The following SLC9A2 variants were observed in gnomAD, a reference collection of about 807,000 sequenced individuals.
SLC9A2 encodes the protein sodium/hydrogen exchanger 2.
A neutral mutation model predicts 71.7 loss-of-function variants in SLC9A2; 42 were observed. The ratio of observed to expected loss-of-function variants is 0.59; its 90% CI spans 0.46 to 0.76. The LOEUF (loss-of-function observed/expected upper bound fraction) is 0.76, where lower values mean the gene tolerates loss of function less well. Ranked by LOEUF, SLC9A2 falls within the 30% of genes least tolerant of loss-of-function variation. The pLI, the probability that SLC9A2 is intolerant of heterozygous loss-of-function variation, is 0.00. For synonymous variants in SLC9A2, 396 were observed against 392.5 expected, an observed-to-expected ratio of 1.01 and a Z score of -0.10; for missense variants, 829 against 1,017.4, an observed-to-expected ratio of 0.81 and a Z score of 2.52.
At chr2:102,629,915 T>A (rs1384721293) in intron 1 of SLC9A2, among the ~76,000 whole-genome samples, 1 of 152,052 alleles carries the variant, frequency 6.6e-6, no homozygotes, top group Non-Finnish European at 1.5e-5. Flanking sequence ...CATAGGCTGT[T>A]GTGTAAAGTA....
At chr2:102,632,166 A>G (rs1272709313) in intron 1 of SLC9A2, among the ~76,000 whole-genome samples, 1 of 104,574 alleles carries the variant, frequency 9.6e-6, no homozygotes, top group African/African-American at 3.4e-5. Flanking sequence ...ACATATATAC[A>G]CATATATATA....
intron 1 of SLC9A2, among the ~76,000 whole-genome samples, chr2:102,636,922 T>C (rs1676478354): frequency 6.6e-6 from 1 of 152,178 alleles, no homozygotes; most frequent in Admixed American, 6.5e-5. Context: ...CTGGCAAGTT[T>C]TACCTTCAGA....
chr2:102,638,317 A>G (rs1198613685), intron 1 of SLC9A2, among the ~76,000 whole-genome samples: 1 of 152,254 alleles, frequency 6.6e-6, no homozygotes, highest in East Asian at 1.9e-4. Flanking sequence ...AGTCAAGTTA[A>G]CACTGATCAA....
intron 1 of SLC9A2, among the ~76,000 whole-genome samples, chr2:102,627,166 A>AACAAC (rs1676266927): frequency 6.7e-6 from 1 of 149,338 alleles, no homozygotes; most frequent in African/African-American, 2.6e-5. Context: ...ACAACAACAA[A>AACAAC]AAGCCAGGTT....
chr2:102,624,329 C>T (rs886212890), intron 1 of SLC9A2, among the ~76,000 whole-genome samples: 2 of 152,062 alleles, frequency 1.3e-5, no homozygotes, highest in African/African-American at 4.8e-5. Context: ...TTTGAGCAAC[C>T]GTTGATTATT....
At chr2:102,631,938 T>A (rs1313584051) in intron 1 of SLC9A2, among the ~76,000 whole-genome samples, 1 of 147,298 alleles carries the variant, frequency 6.8e-6, no homozygotes, top group Non-Finnish European at 1.5e-5. Context: ...AACTTGGTCT[T>A]ATGACCATAA....
chr2:102,710,817 G>T lies in SLC9A2; in HGVS notation c.*2328G>T, dbSNP rs1296660135. ...TAGCCCTTTGTAAAGGCTTTCGTTC[G>T]TCCAAACAACACTTGATCCAACCAA... On this transcript the variant is annotated 3_prime_UTR_variant, in exon 12 of 12. Coordinates refer to ENST00000233969, the MANE Select transcript of SLC9A2 (RefSeq NM_003048.6). 3.3e-5 allele frequency: 5 copies of T among 152,248 alleles called. No individual in the cohort carries two copies. Among genetic ancestry groups the T allele is most frequent in the African/African-American group, 1.2e-4 (5 of 41,428 alleles). The allele number at this position is 152,248 out of a possible 1,614,324, so 9.4% of individuals were successfully genotyped here. A position where few individuals can be genotyped will look rare whatever the true frequency, so the allele number is the denominator to read the frequency against.
At position 102,702,394 on chromosome 2, in the gene SLC9A2, AAACTTTCAC is replaced by A; in HGVS notation, c.1749-10_1749-2del. 1.4e-6 allele frequency: 2 copies of A among 1,463,244 alleles called. No homozygotes were observed. Among genetic ancestry groups the A allele is most frequent in the Non-Finnish European group, 1.9e-6 (2 of 1,059,842 alleles). The allele number at this position is 1,463,244 out of a possible 1,614,324, so 90.6% of individuals were successfully genotyped here. ...TTGAAAGGTAAAATATTCTTTTTCT[AAACTTTCAC>A]AGTGATTGTCGTGAAGAAAAAATAA... is the stretch of plus-strand genomic sequence containing the variant. On this transcript the variant is annotated splice_region_variant and splice_polypyrimidine_tract_variant and intron_variant, in intron 8 of 11. Coordinates refer to ENST00000233969, the MANE Select transcript of SLC9A2 (RefSeq NM_003048.6).
At chr2:102,696,862 C>T (rs1320381442) in intron 7 of SLC9A2, among the ~76,000 whole-genome samples, 1 of 152,038 alleles carries the variant, frequency 6.6e-6, no homozygotes, top group East Asian at 1.9e-4. Context: ...TTTAAATGGC[C>T]ATTTCTCAGG....
intron 1 of SLC9A2, among the ~76,000 whole-genome samples, chr2:102,643,861 A>G (rs1020801419): frequency 3.3e-5 from 5 of 151,738 alleles, no homozygotes; most frequent in Non-Finnish European, 7.4e-5. Flanking sequence ...ACTAATGATC[A>G]GCATGGGAGT....
At chr2:102,695,456 T>A (rs1034938555) in intron 7 of SLC9A2, among the ~76,000 whole-genome samples, 1 of 152,050 alleles carries the variant, frequency 6.6e-6, no homozygotes, top group Non-Finnish European at 1.5e-5. Context: ...AATGGCTGCA[T>A]CAATATTAGC....
At chr2:102,662,827 G>A (rs940688165) in intron 2 of SLC9A2, among the ~76,000 whole-genome samples, 20 of 152,210 alleles carry the variant, frequency 1.3e-4, no homozygotes, top group African/African-American at 3.6e-4. Flanking sequence ...AAAATGGAGT[G>A]GCAGCCTTTG....
chr2:102,699,017 T>G (rs1162928370), intron 7 of SLC9A2, among the ~76,000 whole-genome samples: 1 of 152,170 alleles, frequency 6.6e-6, no homozygotes, highest in Non-Finnish European at 1.5e-5. Flanking sequence ...AGACCTTACA[T>G]TCTGTGCTAG....
chr2:102,671,130 A>C (rs1387421213), intron 3 of SLC9A2, among the ~76,000 whole-genome samples: 1 of 152,182 alleles, frequency 6.6e-6, no homozygotes, highest in Non-Finnish European at 1.5e-5. Context: ...CTGAAGTGTA[A>C]AGAAGAGCAG....
intron 1 of SLC9A2, among the ~76,000 whole-genome samples, chr2:102,655,121 G>A (rs914582150): frequency 6.6e-6 from 1 of 151,782 alleles, no homozygotes; most frequent in African/African-American, 2.4e-5. Context: ...ATTTAAAAAT[G>A]GTTTTTTTGT....
intron 1 of SLC9A2, among the ~76,000 whole-genome samples, chr2:102,644,616 G>A (rs559756912): frequency 2.0e-5 from 3 of 152,258 alleles, no homozygotes; most frequent in African/African-American, 4.8e-5. Context: ...TGGGATACTC[G>A]AGCTTGGTGC....
rs189614912 is a variant in SLC9A2 at position 102,630,591 on chromosome 2, T to C, written c.289+10454T>C. ...ATACTTCCATGCTTCTTAACAGCTCTTTCACGTTTTTCGTCTCTTCATTGC... is the reference window on the plus strand; with the variant it reads ...ATACTTCCATGCTTCTTAACAGCTCCTTCACGTTTTTCGTCTCTTCATTGC... On this transcript the variant is annotated intron_variant, in intron 1 of 11. Transcript: ENST00000233969. 1.8e-3 allele frequency among the ~76,000 whole-genome samples: 269 copies of C among 152,186 alleles called. 1 individual carries two copies. Among genetic ancestry groups the C allele is most frequent in the African/African-American group, 6.1e-3 (255 of 41,576 alleles).
chr2:102,683,286 A>G lies in SLC9A2; in HGVS notation c.1030A>G (p.Asn344Asp). 1 of 1,613,442 alleles carries G rather than the reference A, an allele frequency of 6.2e-7. No individual in the cohort carries two copies. The highest frequency in any genetic ancestry group is 8.5e-7 in the Non-Finnish European group (1 of 1,179,360). ...MAITACAMTM[N>D]KYVEENVSQK... ...AATCACTGCTTGTGCAATGACTATG[A>G]ATAAGTACGTAGAAGAAAATGTATC... Residue 344 changes from asparagine (N) to aspartate (D), a missense_variant, in exon 4 of 12, where the codon AAT becomes GAT. This residue lies in a region of SLC9A2 where 500 missense variants were observed against 726.3 expected (regional missense o/e 0.69). Transcript: ENST00000233969.
chr2:102,696,912 G>T (rs1174003270), intron 7 of SLC9A2, among the ~76,000 whole-genome samples: 1 of 152,172 alleles, frequency 6.6e-6, no homozygotes, highest in Non-Finnish European at 1.5e-5. Context: ...GTAGACCAGA[G>T]ATCCTATACA....
Sources: gnomAD v4.1 joint callset for allele counts (sites outside exome capture counted in the v4.1 genomes callset) on GRCh38, gnomAD v4.1.1 for gene constraint, gnomAD v4.1.1 regional missense constraint, MANE v1.5 for transcripts, NCBI Gene and HGNC (gene_info 2026-07-23, HGNC 2026-07-21) for gene names.